The following KCNN2 variants were observed in gnomAD, a reference collection of about 807,000 sequenced individuals.
KCNN2 encodes potassium calcium-activated channel subfamily N member 2.
KCNN2 carries 24 observed loss-of-function variants against 55.5 expected under a neutral mutation model. The ratio of observed to expected loss-of-function variants is 0.43; its 90% CI spans 0.31 to 0.61. KCNN2 has a LOEUF of 0.61. Among genes scored for constraint, KCNN2 ranks in the 20% least tolerant of loss-of-function variants. The pLI is 0.08. For missense variants in KCNN2, 754 were observed against 853.6 expected, an observed-to-expected ratio of 0.88 and a Z score of 1.45; for synonymous variants, 431 against 336.1, an observed-to-expected ratio of 1.28 and a Z score of -3.09.
chr5:114,415,701 G>C (rs1401128242), intron 3 of KCNN2, among the ~76,000 whole-genome samples: 2 of 152,126 alleles, frequency 1.3e-5, no homozygotes, highest in African/African-American at 4.8e-5. Flanking sequence ...TTGGCAAAAT[G>C]GCAATTCAAA....
chr5:114,398,666 C>T (rs964427766), intron 2 of KCNN2, among the ~76,000 whole-genome samples: 1 of 152,042 alleles, frequency 6.6e-6, no homozygotes, highest in Non-Finnish European at 1.5e-5. Flanking sequence ...ATTACTGATT[C>T]TTGCTATCCG....
intron 1 of KCNN2, among the ~76,000 whole-genome samples, chr5:114,183,141 T>C (rs546814066): frequency 6.6e-6 from 1 of 152,238 alleles, no homozygotes; most frequent in South Asian, 2.1e-4. Context: ...CATGAAGCTT[T>C]TATTCTTTAT....
At chr5:114,269,600 T>A (rs116545048) in intron 2 of KCNN2, among the ~76,000 whole-genome samples, 12,367 of 151,360 alleles carry the variant, frequency 0.082, 619 homozygotes, top group African/African-American at 0.14. Context: ...GCAAACAAAC[T>A]CCAACTAGTT....
chr5:114,206,315 G>C (rs1432517359), intron 1 of KCNN2, among the ~76,000 whole-genome samples: 1 of 151,906 alleles, frequency 6.6e-6, no homozygotes, highest in Non-Finnish European at 1.5e-5. Flanking sequence ...CTTCTTCTGG[G>C]ATTACCTCCT....
intron 1 of KCNN2, among the ~76,000 whole-genome samples, chr5:114,101,574 G>C (rs1380144663): frequency 6.6e-6 from 1 of 151,822 alleles, no homozygotes; most frequent in South Asian, 2.1e-4. Flanking sequence ...TCCTAATGCT[G>C]TCCCTCCCCT....
At chr5:114,065,479 G>T (rs1473887415) in intron 1 of KCNN2, among the ~76,000 whole-genome samples, 3 of 152,156 alleles carry the variant, frequency 2.0e-5, no homozygotes, top group African/African-American at 7.2e-5. Flanking sequence ...TTATTTATTG[G>T]TTTTTGCTGA....
intron 2 of KCNN2, among the ~76,000 whole-genome samples, chr5:114,392,240 CATT>C (rs1157034695): frequency 6.6e-6 from 1 of 152,138 alleles, no homozygotes; most frequent in Non-Finnish European, 1.5e-5. Flanking sequence ...CAGCAAATAA[CATT>C]ATCTCCATTT....
chr5:114,416,831 T>C (rs1338096797), intron 3 of KCNN2, among the ~76,000 whole-genome samples: 2 of 152,228 alleles, frequency 1.3e-5, no homozygotes, highest in Non-Finnish European at 2.9e-5. Flanking sequence ...GTAGGAATCA[T>C]GGTTTGTAAA....
chr5:114,465,809 G>C (rs1356338427), intron 4 of KCNN2, among the ~76,000 whole-genome samples: 1 of 152,102 alleles, frequency 6.6e-6, no homozygotes, highest in East Asian at 1.9e-4. Flanking sequence ...TAATTGACTT[G>C]ATCAAAATTG....
chr5:114,217,803 G>T (rs1465155330), intron 1 of KCNN2, among the ~76,000 whole-genome samples: 7 of 151,994 alleles, frequency 4.6e-5, no homozygotes, highest in African/African-American at 1.7e-4. Context: ...ACTGTCAAAA[G>T]AAGAAAAAGA....
chr5:114,104,774 T>A (rs1751445957), intron 1 of KCNN2, among the ~76,000 whole-genome samples: 2 of 151,934 alleles, frequency 1.3e-5, no homozygotes, highest in African/African-American at 4.8e-5. Flanking sequence ...AGAAAATAAG[T>A]TATATCTCTG....
At chr5:114,276,554 T>C (rs149170968) in intron 2 of KCNN2, among the ~76,000 whole-genome samples, 244 of 152,334 alleles carry the variant, frequency 1.6e-3, no homozygotes, top group African/African-American at 5.3e-3. Context: ...TAGCTCTTTT[T>C]GTTGAATTGA....
intron 1 of KCNN2, among the ~76,000 whole-genome samples, chr5:114,080,917 T>C (rs1750799961): frequency 6.6e-6 from 1 of 152,138 alleles, no homozygotes; most frequent in Admixed American, 6.5e-5. Flanking sequence ...GGTATGATCT[T>C]ATACTTAGAA....
intron 3 of KCNN2, among the ~76,000 whole-genome samples, chr5:114,458,201 CACTA>C (rs1323696441): frequency 6.6e-6 from 1 of 152,208 alleles, no homozygotes. Context: ...TAATACTTCT[CACTA>C]ACTATGGCTG....
chr5:114,295,443 T>C lies in KCNN2; in HGVS notation c.-184-65502T>C, dbSNP rs893449420. Among the ~76,000 whole-genome samples the C allele has an allele frequency of 4.6e-5, 7 of 152,148 alleles. No individual in the cohort carries two copies. In the South Asian group the frequency reaches 1.2e-3, roughly 27 times the overall value. ...CCAGCCTCGCTGCCACCTTGCAGTT[T>C]GATCTCAGACTGCTGTGCTAGCAAT... On this transcript the variant is annotated intron_variant, in intron 2 of 10. Transcript: ENST00000512097.
intron 2 of KCNN2, among the ~76,000 whole-genome samples, chr5:114,344,329 A>T (rs1171347087): frequency 6.6e-6 from 1 of 152,188 alleles, no homozygotes; most frequent in Non-Finnish European, 1.5e-5. Context: ...CTCCCTGAAG[A>T]CTGTATACTC....
chr5:114,419,003 A>T (rs900834801), intron 3 of KCNN2, among the ~76,000 whole-genome samples: 3 of 152,250 alleles, frequency 2.0e-5, no homozygotes, highest in Non-Finnish European at 4.4e-5. Context: ...AATTTGAAAG[A>T]GAACGTAATA....
chr5:114,419,675 T>A (rs1254944224), intron 3 of KCNN2, among the ~76,000 whole-genome samples: 2 of 152,220 alleles, frequency 1.3e-5, no homozygotes, highest in African/African-American at 4.8e-5. Flanking sequence ...ATAAGTAATT[T>A]ATTTTTACAT....
At chr5:114,111,680 C>T (rs545229724) in intron 1 of KCNN2, among the ~76,000 whole-genome samples, 2 of 152,266 alleles carry the variant, frequency 1.3e-5, no homozygotes, top group East Asian at 3.9e-4. Flanking sequence ...TATGAACAGA[C>T]ACTTTTCAAA....
Sources: allele counts gnomAD v4.1 joint callset (sites outside exome capture counted in the v4.1 genomes callset), GRCh38; gene constraint gnomAD v4.1.1; transcripts MANE v1.5; gene names NCBI Gene and HGNC (gene_info 2026-07-23, HGNC 2026-07-21).